Variants in GLG1 observed in about 807,000 individuals in gnomAD.
GLG1 encodes Golgi apparatus protein 1.
A neutral mutation model predicts 160.5 loss-of-function variants in GLG1; 38 were observed. That is an observed-to-expected ratio of 0.24 (90% confidence interval 0.18 to 0.31). The LOEUF (loss-of-function observed/expected upper bound fraction) is 0.31, where lower values mean the gene tolerates loss of function less well. Ranked by LOEUF, GLG1 falls within the 10% of genes least tolerant of loss-of-function variation. The pLI is 1.00. For missense variants in GLG1, 1,373 were observed against 1,505.2 expected (o/e 0.91, Z 1.45); for synonymous variants, 644 against 543.4 (o/e 1.19, Z -2.57).
chr16:74,458,017 G>A, intron 23 of GLG1, 23 bp from the exon 24 acceptor site: 1 of 1,611,746 alleles, frequency 6.2e-7, no homozygotes, highest in Non-Finnish European at 8.5e-7. Flanking sequence ...GGTCATTGCA[G>A]ACAGAGCTTT....
intron 1 of GLG1, among the ~76,000 whole-genome samples, chr16:74,585,251 T>C (rs1237981166): frequency 6.6e-6 from 1 of 151,234 alleles, no homozygotes; most frequent in African/African-American, 2.4e-5. Context: ...CTACTAAAAA[T>C]ACAAAAAATT....
intron 1 of GLG1, among the ~76,000 whole-genome samples, chr16:74,605,865 G>A (rs1283093564): frequency 1.3e-5 from 2 of 152,156 alleles, no homozygotes; most frequent in African/African-American, 4.8e-5. Flanking sequence ...CAAACTTTGA[G>A]AATTGTCATT....
At chr16:74,500,318 T>C (rs1243386008) in intron 4 of GLG1, among the ~76,000 whole-genome samples, 1 of 152,188 alleles carries the variant, frequency 6.6e-6, no homozygotes, top group African/African-American at 2.4e-5. Context: ...ATCCTATAAA[T>C]GAACTTACAA....
At chr16:74,580,103 G>A (rs996485540) in intron 1 of GLG1, among the ~76,000 whole-genome samples, 1 of 151,988 alleles carries the variant, frequency 6.6e-6, no homozygotes, top group Non-Finnish European at 1.5e-5. Context: ...TTTTCCAGAA[G>A]AGCTGAATCT....
chr16:74,472,037 TG>T, intron 14 of GLG1, among the ~76,000 whole-genome samples: 1 of 152,302 alleles, frequency 6.6e-6, no homozygotes, highest in Middle Eastern at 3.4e-3. Context: ...CCTAGGTAAC[TG>T]GAACTACAGG....
At chr16:74,603,137 C>T (rs1413438433) in intron 1 of GLG1, among the ~76,000 whole-genome samples, 1 of 151,538 alleles carries the variant, frequency 6.6e-6, no homozygotes, top group Non-Finnish European at 1.5e-5. Context: ...AGCAGCCAGG[C>T]GCAATAGCTC....
chr16:74,600,187 T>C (rs748040752), intron 1 of GLG1, among the ~76,000 whole-genome samples: 1 of 152,170 alleles, frequency 6.6e-6, no homozygotes, highest in Non-Finnish European at 1.5e-5. Flanking sequence ...TTCATATATA[T>C]TAGAGAAGTA....
At chr16:74,562,594 G>A (rs1172892302) in intron 1 of GLG1, among the ~76,000 whole-genome samples, 1 of 152,236 alleles carries the variant, frequency 6.6e-6, no homozygotes, top group Non-Finnish European at 1.5e-5. Context: ...CAAGCAGCTG[G>A]GATTACAGGC....
chr16:74,472,503 T>A, intron 13 of GLG1, 92 bp from the exon 14 acceptor site: 1 of 1,344,210 alleles, frequency 7.4e-7, no homozygotes, highest in Non-Finnish European at 1.0e-6. Context: ...TAATATCTGA[T>A]GGGCAAATAA....
intron 2 of GLG1, among the ~76,000 whole-genome samples, chr16:74,516,861 T>G (rs1243421491): frequency 6.6e-6 from 1 of 151,858 alleles, no homozygotes; most frequent in Non-Finnish European, 1.5e-5. Flanking sequence ...TAAAAAATAA[T>G]AAAGGGGCTA....
chr16:74,518,211 T>C (rs1039521782), intron 2 of GLG1, among the ~76,000 whole-genome samples: 24 of 152,128 alleles, frequency 1.6e-4, no homozygotes, highest in Admixed American at 8.5e-4. Context: ...TTAAACTTCA[T>C]ATGGAGCCAA....
chr16:74,605,041 T>G (rs1233644327), intron 1 of GLG1, among the ~76,000 whole-genome samples: 2 of 152,116 alleles, frequency 1.3e-5, no homozygotes, highest in East Asian at 3.9e-4. Flanking sequence ...TGAGACTCCA[T>G]CTCAAAAAAA....
intron 22 of GLG1, among the ~76,000 whole-genome samples, chr16:74,460,873 G>A (rs1162059707): frequency 2.6e-5 from 4 of 152,176 alleles, no homozygotes; most frequent in Admixed American, 1.3e-4. Context: ...AAAAGCAAAC[G>A]CTTGACATTC....
chr16:74,577,411 A>G (rs1034411826), intron 1 of GLG1, among the ~76,000 whole-genome samples: 1 of 151,564 alleles, frequency 6.6e-6, no homozygotes, highest in East Asian at 1.9e-4. Context: ...AATCCCAGCT[A>G]CTCGGGAGGC....
intron 1 of GLG1, among the ~76,000 whole-genome samples, chr16:74,598,108 A>G (rs1958349886): frequency 6.6e-6 from 1 of 152,220 alleles, no homozygotes; most frequent in Non-Finnish European, 1.5e-5. Context: ...GAAAGCATCC[A>G]GTCCCTCAGA....
rs2014277091 is a variant in GLG1 at position 74,451,115 on chromosome 16, G to C, written c.*2052C>G. On this transcript the variant is annotated 3_prime_UTR_variant, in exon 26 of 26. Transcript: ENST00000422840. ...CATGTACATGACATTCCTGGCTCTTGATATTAGGCCTCAGCGGCCCCCAGC... is the reference window on the plus strand; with the variant it reads ...CATGTACATGACATTCCTGGCTCTTCATATTAGGCCTCAGCGGCCCCCAGC... The C allele has an allele frequency of 6.6e-6, 1 of 152,302 alleles. No homozygotes were observed. Among genetic ancestry groups the C allele is most frequent in the African/African-American group, 2.4e-5 (1 of 41,446 alleles). 9.4% of individuals were successfully genotyped at this position (152,302 alleles called of 1,614,324 possible). A position where few individuals can be genotyped will look rare whatever the true frequency, so the allele number is the denominator to read the frequency against.
At chr16:74,506,689 T>G (rs1412982403) in intron 3 of GLG1, among the ~76,000 whole-genome samples, 1 of 151,876 alleles carries the variant, frequency 6.6e-6, no homozygotes, top group African/African-American at 2.4e-5. Context: ...CTTGAGATTT[T>G]ACTGAAACAG....
At chr16:74,536,259 G>A (rs2017684344) in intron 1 of GLG1, among the ~76,000 whole-genome samples, 1 of 152,136 alleles carries the variant, frequency 6.6e-6, no homozygotes, top group Admixed American at 6.6e-5. Context: ...AGGCTCACTT[G>A]TCTCTAATCC....
intron 2 of GLG1, among the ~76,000 whole-genome samples, chr16:74,525,444 G>A (rs1001370729): frequency 3.3e-5 from 5 of 152,084 alleles, no homozygotes; most frequent in South Asian, 2.1e-4. Context: ...TCATACCACC[G>A]TGCCTGGCTA....
Sources: gnomAD v4.1 joint callset for allele counts (sites outside exome capture counted in the v4.1 genomes callset) on GRCh38, gnomAD v4.1.1 for gene constraint, MANE v1.5 for transcripts, NCBI Gene and HGNC (gene_info 2026-07-23, HGNC 2026-07-21) for gene names.